ADGRG2: variants seen among roughly 807,000 people sequenced by gnomAD.
ADGRG2 encodes G protein-coupled receptor 64.
ADGRG2 carries 26 observed loss-of-function variants against 74.1 expected under a neutral mutation model. That is an observed-to-expected ratio of 0.35 (90% confidence interval 0.26 to 0.49). The LOEUF (loss-of-function observed/expected upper bound fraction) is 0.49. ADGRG2 is among the 20% of genes least tolerant of loss of function. ADGRG2 has a pLI of 0.99. For synonymous variants in ADGRG2, 296 were observed against 295.2 expected (o/e 1.00, Z -0.03); for missense variants, 619 against 763.1 (o/e 0.81, Z 2.22).
intron 28 of ADGRG2, among the ~76,000 whole-genome samples, 200 bp downstream of exon 28, chrX:18,994,696 T>C (rs759885130): frequency 9.8e-5 from 11 of 111,985 alleles, no homozygotes; most frequent in African/African-American, 3.2e-4. Flanking sequence ...TCTTAAAAAA[T>C]CGTTGTTCCA....
chrX:19,094,134 TATAGAGTATGGATAGAC>T (rs2062057709), intron 1 of ADGRG2, among the ~76,000 whole-genome samples: 1 of 111,144 alleles, frequency 9.0e-6, no homozygotes, highest in Non-Finnish European at 1.9e-5. Context: ...GATAGATGGA[TATAGAGTATGGATAGAC>T]ATAGAGTATG....
At chrX:19,038,546 G>A (rs1182834924) in intron 4 of ADGRG2, among the ~76,000 whole-genome samples, 1 of 112,713 alleles carries the variant, frequency 8.9e-6, no homozygotes, top group African/African-American at 3.2e-5. Flanking sequence ...GATTCAAAGT[G>A]TAGATATAGA....
chrX:19,010,529 G>T (rs970207354), intron 17 of ADGRG2, 84 bp downstream of exon 17: 10 of 794,509 alleles, frequency 1.3e-5, no homozygotes, highest in Non-Finnish European at 1.8e-5. Flanking sequence ...GGGAGTAAAA[G>T]ACTTGGTGAT....
intron 15 of ADGRG2, among the ~76,000 whole-genome samples, chrX:19,019,125 G>A (rs183683117): frequency 1.2e-3 from 139 of 112,380 alleles, no homozygotes; most frequent in Non-Finnish European, 2.1e-3. Flanking sequence ...GATTACAGGC[G>A]TAAGCCACCG....
At chrX:18,998,044 C>T (rs1050650298) in intron 26 of ADGRG2, among the ~76,000 whole-genome samples, 3 of 112,431 alleles carry the variant, frequency 2.7e-5, no homozygotes, top group Non-Finnish European at 5.6e-5. Flanking sequence ...CTAAAGAGTA[C>T]AACTATCAGG....
At chrX:19,082,451 C>G (rs2061867461) in intron 2 of ADGRG2, among the ~76,000 whole-genome samples, 1 of 111,556 alleles carries the variant, frequency 9.0e-6, no homozygotes, top group East Asian at 2.8e-4. Flanking sequence ...AACGCCCATT[C>G]AAAAGCAATT....
intron 4 of ADGRG2, among the ~76,000 whole-genome samples, chrX:19,037,954 G>C (rs1306145889): frequency 1.8e-5 from 2 of 112,002 alleles, no homozygotes; most frequent in Non-Finnish European, 3.8e-5. Context: ...TTTTCAGCCA[G>C]AGCATTCTAG....
At chrX:18,992,204 C>T (rs1358180223) in intron 28 of ADGRG2, among the ~76,000 whole-genome samples, 1 of 112,661 alleles carries the variant, frequency 8.9e-6, no homozygotes, top group Non-Finnish European at 1.9e-5. Flanking sequence ...CTGTCTGAGG[C>T]AGCTGTTTGG....
At chrX:19,055,162 G>A (rs934679678) in intron 3 of ADGRG2, among the ~76,000 whole-genome samples, 1 of 112,310 alleles carries the variant, frequency 8.9e-6, no homozygotes, top group Non-Finnish European at 1.9e-5. Flanking sequence ...AACATCAGAT[G>A]TGAAGATGAG....
chrX:19,117,884 T>G (rs1480506471), intron 1 of ADGRG2, among the ~76,000 whole-genome samples: 4 of 109,449 alleles, frequency 3.7e-5, no homozygotes, highest in Non-Finnish European at 7.6e-5. Context: ...GATCAAAATA[T>G]GAACTTCCAA....
Position 19,068,712 on chromosome X carries a change from A to T in ADGRG2, c.118+5T>A, listed in dbSNP as rs1237053580. On this transcript the variant is annotated splice_donor_5th_base_variant and intron_variant, in intron 3 of 28. Transcript: ENST00000379869. Reference sequence around the variant, plus strand: ...AAAAAAAATGAAGAAAAACAGACACATTACCTTCCAGGGATGTTACCAGAA... The same window carrying T: ...AAAAAAAATGAAGAAAAACAGACACTTTACCTTCCAGGGATGTTACCAGAA... 1 of 868,507 alleles carries T rather than the reference A, an allele frequency of 1.2e-6. No homozygotes were observed. The highest frequency in any genetic ancestry group is 1.6e-6 in the Non-Finnish European group (1 of 609,215). The allele number at this position is 868,507 out of a possible 1,213,427, so 71.6% of individuals were successfully genotyped here. A position where few individuals can be genotyped will look rare whatever the true frequency, so the allele number is the denominator to read the frequency against.
chrX:19,041,043 T>C (rs1275675920), intron 3 of ADGRG2, among the ~76,000 whole-genome samples: 1 of 111,294 alleles, frequency 9.0e-6, no homozygotes, highest in Non-Finnish European at 1.9e-5. Context: ...TATATATATG[T>C]ATGTATAAGG....
At chrX:19,115,044 A>C (rs2062486098) in intron 1 of ADGRG2, among the ~76,000 whole-genome samples, 1 of 112,057 alleles carries the variant, frequency 8.9e-6, no homozygotes, top group Non-Finnish European at 1.9e-5. Flanking sequence ...AGCTATCATT[A>C]TTATTACGAG....
At chrX:19,023,664 T>C (rs773892476) in intron 12 of ADGRG2, among the ~76,000 whole-genome samples, 1 of 112,039 alleles carries the variant, frequency 8.9e-6, no homozygotes, top group Non-Finnish European at 1.9e-5. Context: ...ACAAGGAAGC[T>C]CATTTTCTTG....
Position 19,033,613 on chromosome X carries a change from C to T in ADGRG2, c.304G>A (p.Gly102Ser). The T allele has an allele frequency of 1.2e-6, 1 of 821,335 alleles. No individual in the cohort carries two copies. The highest frequency in any genetic ancestry group is 1.8e-6 in the Non-Finnish European group (1 of 556,731). The allele number at this position is 821,335 out of a possible 1,213,427, so 67.7% of individuals were successfully genotyped here. ...TCTTGATATTGATAATAAGTCATACCTGATGCATTGAAGGTTTTTACTATA... is the reference window on the plus strand; with the variant it reads ...TCTTGATATTGATAATAAGTCATACTTGATGCATTGAAGGTTTTTACTATA... Reference protein sequence around the residue: ...ITIVKTFNASGVKPQRNICNL... With the variant: ...ITIVKTFNASSVKPQRNICNL... Residue 102 changes from glycine to serine, a missense_variant and splice_region_variant, in exon 8 of 29, where the codon GGC becomes AGC. Gly to Ser is a moderately conservative substitution (Grantham distance 56, BLOSUM62 0). Around this residue, in one of 3 missense-constraint regions of ADGRG2, gnomAD observed 292 missense variants for 318.0 expected, o/e 0.92. Coordinates refer to ENST00000379869, the MANE Select transcript of ADGRG2 (RefSeq NM_001079858.3).
intron 2 of ADGRG2, among the ~76,000 whole-genome samples, chrX:19,075,062 A>G (rs143706145): frequency 5.8e-4 from 65 of 111,204 alleles, no homozygotes; most frequent in African/African-American, 2.1e-3. Flanking sequence ...AGACATGGAG[A>G]AAAGAAATAC....
intron 2 of ADGRG2, among the ~76,000 whole-genome samples, chrX:19,079,946 T>C (rs1411145037): frequency 1.9e-5 from 2 of 107,049 alleles, no homozygotes; most frequent in Non-Finnish European, 3.9e-5. Flanking sequence ...GTTTTGCTCT[T>C]GTCACCCAGG....
At chrX:19,064,473 A>T (rs1225082136) in intron 3 of ADGRG2, among the ~76,000 whole-genome samples, 1 of 112,037 alleles carries the variant, frequency 8.9e-6, no homozygotes, top group Non-Finnish European at 1.9e-5. Flanking sequence ...CGCACAATTG[A>T]TAACCCAGTG....
chrX:19,095,221 T>C (rs2062076450), intron 1 of ADGRG2, among the ~76,000 whole-genome samples: 1 of 111,573 alleles, frequency 9.0e-6, no homozygotes, highest in Non-Finnish European at 1.9e-5. Context: ...TGTGGGAGTA[T>C]TATTTTTTCC....
Sources: gnomAD v4.1 joint callset for allele counts (sites outside exome capture counted in the v4.1 genomes callset) on GRCh38, gnomAD v4.1.1 for gene constraint, gnomAD v4.1.1 regional missense constraint, MANE v1.5 for transcripts, NCBI Gene and HGNC (gene_info 2026-07-23, HGNC 2026-07-21) for gene names.